The following RBM5 variants were observed in gnomAD, a reference collection of about 807,000 sequenced individuals.
RBM5 encodes the protein RNA binding motif protein 5, also known as RNA-binding protein 5.
RBM5 carries 15 observed loss-of-function variants against 124.6 expected under a neutral mutation model. The ratio of observed to expected loss-of-function variants is 0.12; its 90% confidence interval spans 0.08 to 0.19. The LOEUF (loss-of-function observed/expected upper bound fraction) is 0.19, where lower values mean the gene tolerates loss of function less well. RBM5 is among the 10% of genes least tolerant of loss of function. The pLI is 1.00. For missense variants in RBM5, 580 were observed against 1,026.5 expected (o/e 0.57, Z 5.94); for synonymous variants, 337 against 361.2 (o/e 0.93, Z 0.76).
chr3:50,096,237 C>T lies in RBM5; in HGVS notation c.339+2362C>T, dbSNP rs1206967643. Among the ~76,000 whole-genome samples, 68 of 151,834 alleles carry T rather than the reference C, an allele frequency of 4.5e-4. 1 individual carries two copies. Among genetic ancestry groups the T allele is most frequent in the Admixed American group, 4.4e-3 (67 of 15,232 alleles). Reference sequence around the variant, plus strand: ...AGTATGGTAACTCATGCCTGTAATCCCAGCACTTCGGGAGGCCAAGGTGAA... The same window carrying T: ...AGTATGGTAACTCATGCCTGTAATCTCAGCACTTCGGGAGGCCAAGGTGAA... On this transcript the variant is annotated intron_variant, in intron 4 of 24. Transcript: ENST00000347869.
At position 50,113,280 on chromosome 3, in the gene RBM5, A is replaced by G. The variant is rs531707175; in HGVS notation, c.1456-103A>G. The G allele has an allele frequency of 3.2e-5, 40 of 1,235,266 alleles. No homozygotes were observed. In the Admixed American group the frequency reaches 8.3e-4, roughly 26 times the overall value. The allele number at this position is 1,235,266 out of a possible 1,614,324, so 76.5% of individuals were successfully genotyped here. On this transcript the variant is annotated intron_variant, in intron 17 of 24. Coordinates refer to ENST00000347869, the MANE Select transcript of RBM5 (RefSeq NM_005778.4). Reference sequence around the variant, plus strand: ...CCAGGGTCTTTTCTGGGCAGGAAATATCACTAGTCCACAACATACTTTATC... The same window carrying G: ...CCAGGGTCTTTTCTGGGCAGGAAATGTCACTAGTCCACAACATACTTTATC...
intron 3 of RBM5, 28 bp downstream of exon 3, chr3:50,092,236 C>G: frequency 1.2e-6 from 2 of 1,604,486 alleles, no homozygotes; most frequent in Non-Finnish European, 1.7e-6. Flanking sequence ...GTATAACCCC[C>G]CAAAACACTC....
chr3:50,090,561 C>G, intron 2 of RBM5, 110 bp downstream of exon 2: 1 of 1,225,136 alleles, frequency 8.2e-7, no homozygotes, highest in Middle Eastern at 1.9e-4. Flanking sequence ...CCAGGCATTG[C>G]TAACGAACAC....
At position 50,100,070 on chromosome 3, in the gene RBM5, C is replaced by G. The variant is rs755719834; in HGVS notation, c.409+19C>G. ...AAAACAGGTGAGAGCTTGCTTAGTTCCTGATATTATTGTTCTCTTCCCCAT... is the reference window on the plus strand; with the variant it reads ...AAAACAGGTGAGAGCTTGCTTAGTTGCTGATATTATTGTTCTCTTCCCCAT... On this transcript the variant is annotated intron_variant, in intron 5 of 24. Coordinates refer to ENST00000347869, the MANE Select transcript of RBM5 (RefSeq NM_005778.4). This position sits in a 1 kb window ranked among gnomAD's most constrained non-coding sequence, Gnocchi z 5.1. 6.2e-7 allele frequency: 1 copy of G among 1,609,616 alleles called. No individual in the cohort carries two copies. Among genetic ancestry groups the G allele is most frequent in the Non-Finnish European group, 8.5e-7 (1 of 1,177,136 alleles).
chr3:50,109,393 T>C (rs996466170), intron 14 of RBM5, among the ~76,000 whole-genome samples: 1 of 152,116 alleles, frequency 6.6e-6, no homozygotes, highest in Non-Finnish European at 1.5e-5. Context: ...TTCTTAGCCA[T>C]GATACAGAAT....
chr3:50,092,517 G>C (rs942114492), intron 3 of RBM5, among the ~76,000 whole-genome samples: 1 of 148,180 alleles, frequency 6.7e-6, no homozygotes, highest in Admixed American at 6.8e-5. Flanking sequence ...AGCTGAGATT[G>C]TATCAGTGCT....
chr3:50,113,829 G>A, intron 18 of RBM5, 121 bp from the exon 19 acceptor site: 2 of 1,147,646 alleles, frequency 1.7e-6, no homozygotes, highest in East Asian at 2.4e-5. Context: ...ATTTGTAGGT[G>A]GAAGTAAGAG....
chr3:50,104,810 T>C (rs1011831167), intron 8 of RBM5: 8 of 392,432 alleles, frequency 2.0e-5, no homozygotes, highest in Non-Finnish European at 3.7e-5. Flanking sequence ...TCTTTTGTTT[T>C]CTAGAATTAA....
chr3:50,092,198 A>T lies in RBM5; in HGVS notation c.173A>T (p.Asp58Val), dbSNP rs905276770. 9.3e-6 allele frequency: 15 copies of T among 1,613,202 alleles called. No homozygotes were observed. Among genetic ancestry groups the T allele is most frequent in the South Asian group, 2.2e-5 (2 of 91,056 alleles). Residue 58 changes from aspartate to valine, a missense_variant, in exon 3 of 25, where the codon GAC becomes GTC. By Grantham distance (152) the Asp-to-Val change is radical. Around this residue, in one of 6 missense-constraint regions of RBM5, gnomAD observed 99 missense variants for 121.1 expected, o/e 0.82. Transcript: ENST00000347869. The stretch of plus-strand genomic sequence containing the variant: ...AGATATGATGACTACCGAGACTATG[A>T]CAGTCCAGAGGTGAGTGACCAGCGG... ...GDRYDDYRDY[D>V]SPERERERRN...
At chr3:50,111,249 A>G (rs1435929374) in intron 17 of RBM5, among the ~76,000 whole-genome samples, 1 of 152,226 alleles carries the variant, frequency 6.6e-6, no homozygotes, top group Non-Finnish European at 1.5e-5. Flanking sequence ...GAGTGTACAA[A>G]TCAGTGGCTT....
intron 18 of RBM5, 150 bp from the exon 19 acceptor site, chr3:50,113,800 G>T (rs1282456015): frequency 1.1e-5 from 11 of 1,039,000 alleles, no homozygotes; most frequent in Non-Finnish European, 1.4e-5. Flanking sequence ...GGTTATATGT[G>T]ATAACATCTA....
At chr3:50,099,243 T>A (rs2090889498) in intron 4 of RBM5, among the ~76,000 whole-genome samples, 1 of 147,056 alleles carries the variant, frequency 6.8e-6, no homozygotes, top group South Asian at 2.3e-4. Flanking sequence ...GTGTCAGAGC[T>A]AGGCCCTGTC....
chr3:50,104,361 C>A, intron 8 of RBM5, 53 bp downstream of exon 8: 1 of 1,554,928 alleles, frequency 6.4e-7, no homozygotes, highest in East Asian at 2.2e-5. Context: ...CTAACTGGGG[C>A]AGGGAGCAGT....
intron 22 of RBM5, chr3:50,116,210 T>A (rs1034392721): frequency 1.2e-5 from 6 of 505,160 alleles, no homozygotes; most frequent in East Asian, 4.4e-5. Context: ...CTGCCGAGAC[T>A]CTCTCACAGC....
At chr3:50,104,579 G>A (rs2090997002) in intron 8 of RBM5, 1 of 417,450 alleles carries the variant, frequency 2.4e-6, no homozygotes. Context: ...GGAGTTGAAG[G>A]CTGCAGTGAG....
At position 50,108,139 on chromosome 3, in the gene RBM5, T is replaced by C. The variant is rs982595548; in HGVS notation, c.1111T>C (p.Tyr371His). The C allele has an allele frequency of 6.2e-7, 1 of 1,609,432 alleles. No individual in the cohort carries two copies. Among genetic ancestry groups the C allele is most frequent in the Non-Finnish European group, 8.5e-7 (1 of 1,175,744 alleles). The change falls in exon 13 of 25, where the codon TAT becomes CAT. Residue 371 changes from tyrosine to histidine, a missense_variant. Transcript: ENST00000347869. ...ACCAGGTCAAGATGGCTATGCCCAA[T>C]ATGCTCAGGTAGGTAGATTTTAGCA... ...LQPGQDGYAQ[Y>H]AQYSQDYQQF...
intron 8 of RBM5, 95 bp downstream of exon 8, chr3:50,104,403 C>A: frequency 1.7e-6 from 2 of 1,211,304 alleles, no homozygotes; most frequent in Non-Finnish European, 1.2e-6. Context: ...TTTGCAAGGC[C>A]AAGGTGGGAA....
rs1486735881 is a variant in RBM5 at position 50,104,295 on chromosome 3, A to G, written c.615A>G (p.Gly205=). 1 of 1,613,934 alleles carries G rather than the reference A, an allele frequency of 6.2e-7. No homozygotes were observed. Among genetic ancestry groups the G allele is most frequent in the African/African-American group, 1.3e-5 (1 of 74,908 alleles). ...FRKRLKCFRC[G]ADKFDSEQEV... is the part of the protein sequence containing the mutation. The stretch of plus-strand genomic sequence containing the variant: ...AAAGACTAAAATGCTTCCGATGTGG[A>G]GCAGACAAGTTTGGTAAGACTGGAT... Residue 205 remains glycine (G), a synonymous_variant, in exon 8 of 25, where the codon GGA becomes GGG. Transcript: ENST00000347869.
chr3:50,103,675 G>A (rs2090981704), intron 7 of RBM5, among the ~76,000 whole-genome samples: 2 of 152,176 alleles, frequency 1.3e-5, no homozygotes, highest in South Asian at 4.1e-4. Context: ...CAAAAAGGAT[G>A]CAGGTTCTAA....
Sources: gnomAD v4.1 joint callset for allele counts (sites outside exome capture counted in the v4.1 genomes callset) on GRCh38, gnomAD v4.1.1 for gene constraint, gnomAD v4.1.1 regional missense constraint, Gnocchi (gnomAD v3.1) non-coding constraint, MANE v1.5 for transcripts, NCBI Gene and HGNC (gene_info 2026-07-23, HGNC 2026-07-21) for gene names.